Variants in COL8A1 observed in about 807,000 individuals in gnomAD.
The protein encoded by COL8A1 is collagen alpha-1(VIII) chain.
COL8A1 carries 21 observed loss-of-function variants against 42.7 expected under a neutral mutation model. The observed-to-expected ratio is 0.49, with a 90% CI of 0.35 to 0.71. The LOEUF (loss-of-function observed/expected upper bound fraction) is 0.71, where lower values mean the gene tolerates loss of function less well. Among genes scored for constraint, COL8A1 ranks in the 30% least tolerant of loss-of-function variants. The pLI, the probability that COL8A1 is intolerant of heterozygous loss-of-function variation, is 0.01. For synonymous variants in COL8A1, 367 were observed against 369.1 expected, an observed-to-expected ratio of 0.99 and a Z score of 0.06; for missense variants, 788 against 962.4, an observed-to-expected ratio of 0.82 and a Z score of 2.40.
intron 1 of COL8A1, among the ~76,000 whole-genome samples, chr3:99,717,411 G>A (rs1039326878): frequency 1.3e-5 from 2 of 151,906 alleles, no homozygotes; most frequent in Non-Finnish European, 2.9e-5. Context: ...TCAAAGACAC[G>A]ACACATCCAA....
At chr3:99,657,416 A>T (rs1938056038) in intron 1 of COL8A1, among the ~76,000 whole-genome samples, 2 of 152,280 alleles carry the variant, frequency 1.3e-5, no homozygotes, top group East Asian at 3.9e-4. Flanking sequence ...ACAGTCTGAA[A>T]AATAATAATA....
rs34375356 is a variant in COL8A1, at chr3:99,682,615, T to TA, written c.-129+43965dup. 2.7e-3 allele frequency among the ~76,000 whole-genome samples: 378 copies of TA among 142,050 alleles called. 3 individuals are homozygous for TA. The highest frequency in any genetic ancestry group is 7.2e-3 in the African/African-American group (277 of 38,670). The allele number at this position is 142,050 out of a possible 152,430, so 93.2% of individuals were successfully genotyped here. ...GAATTAAGTAAAAGGAATGTGAAAT[T>TA]AAAAAAAAAAAAAAGAAGTGCCTTA... On this transcript the variant is annotated intron_variant, in intron 1 of 3. Coordinates refer to ENST00000652472, the MANE Select transcript of COL8A1 (RefSeq NM_020351.4).
At chr3:99,769,649 G>A (rs1941539169) in intron 2 of COL8A1, among the ~76,000 whole-genome samples, 2 of 152,172 alleles carry the variant, frequency 1.3e-5, no homozygotes, top group African/African-American at 4.8e-5. Flanking sequence ...GGCCAGGCGC[G>A]ATGGCTCACG....
At chr3:99,740,555 G>C (rs541918556) in intron 1 of COL8A1, among the ~76,000 whole-genome samples, 1 of 152,262 alleles carries the variant, frequency 6.6e-6, no homozygotes, top group South Asian at 2.1e-4. Context: ...AAAACCATCA[G>C]ATCCTGTGAG....
chr3:99,766,564 T>C (rs1941466958), intron 2 of COL8A1, among the ~76,000 whole-genome samples: 2 of 152,222 alleles, frequency 1.3e-5, no homozygotes, highest in African/African-American at 4.8e-5. Context: ...AAGAATATAA[T>C]CAACCTCAAG....
intron 1 of COL8A1, chr3:99,680,501 G>T: frequency 6.6e-6 from 1 of 152,138 alleles, no homozygotes. Context: ...AATCCTTTGG[G>T]TATATACCCA....
At position 99,669,943 on chromosome 3, in the gene COL8A1, C is replaced by T. The variant is rs182975296; in HGVS notation, c.-129+31279C>T. 2.8e-4 allele frequency among the ~76,000 whole-genome samples: 42 copies of T among 151,908 alleles called. 1 individual carries two copies. The highest frequency in any genetic ancestry group is 1.2e-3 in the Admixed American group (19 of 15,220). ...AACTAGTTCTCTCACTTCATTCCAG[C>T]GGAAAAAATGTTTTCTAGAGCCTTC... On this transcript the variant is annotated intron_variant, in intron 1 of 3. Coordinates refer to ENST00000652472, the MANE Select transcript of COL8A1 (RefSeq NM_020351.4).
In COL8A1 at chr3:99,712,763, C is replaced by T. The variant is rs1939877074; in HGVS notation, c.-128-32134C>T. Among the ~76,000 whole-genome samples, 4 of 152,108 alleles carry T rather than the reference C, an allele frequency of 2.6e-5. No homozygotes were observed. In the South Asian group the frequency reaches 6.2e-4, roughly 24 times the overall value. ...TTTCCAAAAGTGGAGTGACTTATCACCCTGGCTTGCCCAGGTCTCTCCTTG... is the reference window on the plus strand; with the variant it reads ...TTTCCAAAAGTGGAGTGACTTATCATCCTGGCTTGCCCAGGTCTCTCCTTG... On this transcript the variant is annotated intron_variant, in intron 1 of 3. Transcript: ENST00000652472.
At chr3:99,657,870 C>T (rs891856121) in intron 1 of COL8A1, among the ~76,000 whole-genome samples, 1 of 152,274 alleles carries the variant, frequency 6.6e-6, no homozygotes. Context: ...TGGCTCACAC[C>T]TGTAATCCCA....
intron 1 of COL8A1, among the ~76,000 whole-genome samples, chr3:99,652,227 A>C (rs575082981): frequency 5.5e-4 from 84 of 152,368 alleles, no homozygotes; most frequent in Middle Eastern, 6.8e-3. Flanking sequence ...CATATTTATG[A>C]AATAGAATTC....
At chr3:99,752,558 A>G (rs963137934) in intron 2 of COL8A1, among the ~76,000 whole-genome samples, 8 of 152,008 alleles carry the variant, frequency 5.3e-5, no homozygotes, top group Admixed American at 3.3e-4. Flanking sequence ...GGTCAGCTCC[A>G]AAGTTTTTTC....
At chr3:99,657,176 T>C (rs1297224200) in intron 1 of COL8A1, among the ~76,000 whole-genome samples, 1 of 152,212 alleles carries the variant, frequency 6.6e-6, no homozygotes, top group Admixed American at 6.5e-5. Flanking sequence ...GTACTGAGAA[T>C]CTTCACTAAG....
intron 1 of COL8A1, among the ~76,000 whole-genome samples, chr3:99,690,655 C>T (rs763114804): frequency 4.1e-4 from 62 of 152,246 alleles, no homozygotes; most frequent in Middle Eastern, 3.4e-3. Flanking sequence ...TATTGGCTAC[C>T]CCTTTGCTTT....
chr3:99,732,417 T>A (rs1421565397), intron 1 of COL8A1, among the ~76,000 whole-genome samples: 1 of 152,036 alleles, frequency 6.6e-6, no homozygotes, highest in African/African-American at 2.4e-5. Context: ...CTTACTACAA[T>A]CATGGTGAAA....
chr3:99,682,644 G>T (rs1938923394), intron 1 of COL8A1, among the ~76,000 whole-genome samples: 1 of 151,274 alleles, frequency 6.6e-6, no homozygotes, highest in African/African-American at 2.4e-5. Context: ...TGCCTTAAGT[G>T]GTTTAGAGTT....
chr3:99,754,986 T>C (rs1412904970), intron 2 of COL8A1, among the ~76,000 whole-genome samples: 6 of 152,164 alleles, frequency 3.9e-5, no homozygotes, highest in Non-Finnish European at 8.8e-5. Context: ...TGGGTAACAA[T>C]TAAAATACAG....
intron 2 of COL8A1, among the ~76,000 whole-genome samples, chr3:99,767,824 T>A (rs535090630): frequency 6.6e-6 from 1 of 152,254 alleles, no homozygotes; most frequent in Admixed American, 6.5e-5. Context: ...GAGTGAGAAG[T>A]AAAGATAATA....
intron 1 of COL8A1, among the ~76,000 whole-genome samples, chr3:99,726,066 T>A (rs1424564454): frequency 6.6e-6 from 1 of 152,164 alleles, no homozygotes; most frequent in Non-Finnish European, 1.5e-5. Context: ...CCACATCCTC[T>A]CCAGTACCTG....
intron 2 of COL8A1, among the ~76,000 whole-genome samples, chr3:99,766,655 A>G (rs528818254): frequency 6.6e-6 from 1 of 152,200 alleles, no homozygotes; most frequent in Non-Finnish European, 1.5e-5. Context: ...CTGACAGTTA[A>G]AGTTGATGTC....
Sources: allele counts gnomAD v4.1 joint callset (sites outside exome capture counted in the v4.1 genomes callset), GRCh38; gene constraint gnomAD v4.1.1; transcripts MANE v1.5; gene names NCBI Gene and HGNC (gene_info 2026-07-23, HGNC 2026-07-21).